CMYA5: variants seen among roughly 807,000 people sequenced by gnomAD.
The protein encoded by CMYA5 is cardiomyopathy associated 5, also known as cardiomyopathy-associated protein 5.
In CMYA5, 246 loss-of-function variants were observed where a neutral mutation model predicts 318.9. The ratio of observed to expected loss-of-function variants is 0.77; its 90% CI spans 0.70 to 0.86. The LOEUF (loss-of-function observed/expected upper bound fraction) is 0.86. Ranked by LOEUF, CMYA5 falls within the 40% of genes least tolerant of loss-of-function variation. CMYA5 has a pLI of 0.00. For synonymous variants in CMYA5, 1,641 were observed against 1,729.5 expected (o/e 0.95, Z 1.27); for missense variants, 4,589 against 4,678.2 (o/e 0.98, Z 0.56).
intron 9 of CMYA5, among the ~76,000 whole-genome samples, chr5:79,785,866 C>T (rs1367173362): frequency 6.6e-6 from 1 of 152,186 alleles, no homozygotes; most frequent in African/African-American, 2.4e-5. Flanking sequence ...AAAAATGATT[C>T]TGACCCCATT....
At chr5:79,789,206 T>TACC in intron 10 of CMYA5, 102 bp downstream of exon 10, 1 of 1,316,880 alleles carries the variant, frequency 7.6e-7, no homozygotes, top group Non-Finnish European at 1.0e-6. Flanking sequence ...ACTCCCAACC[T>TACC]ACTGTCAGTG....
intron 9 of CMYA5, 28 bp from the exon 10 acceptor site, chr5:79,788,943 A>T: frequency 6.2e-7 from 1 of 1,605,840 alleles, no homozygotes; most frequent in Non-Finnish European, 8.5e-7. Context: ...CATTATGTTT[A>T]AAATTATTAT....
chr5:79,765,958 C>A (rs1000876262), intron 9 of CMYA5, among the ~76,000 whole-genome samples: 1 of 152,212 alleles, frequency 6.6e-6, no homozygotes, highest in Admixed American at 6.5e-5. Flanking sequence ...AACTTCCTCT[C>A]TTCCTATTTG....
chr5:79,746,670 T>C (rs950412807), intron 4 of CMYA5, among the ~76,000 whole-genome samples: 2 of 152,192 alleles, frequency 1.3e-5, no homozygotes, highest in African/African-American at 4.8e-5. Context: ...ATTACAGTTT[T>C]GATCTCTATC....
chr5:79,709,621 A>T (rs560013541), intron 1 of CMYA5, among the ~76,000 whole-genome samples: 30 of 151,832 alleles, frequency 2.0e-4, no homozygotes, highest in African/African-American at 7.2e-4. Flanking sequence ...CATTGCAACT[A>T]ATCTTTAAAA....
chr5:79,716,030 T>C (rs1391110326), intron 1 of CMYA5, among the ~76,000 whole-genome samples: 6 of 152,308 alleles, frequency 3.9e-5, no homozygotes, highest in African/African-American at 1.4e-4. Flanking sequence ...TTTCTCTTGG[T>C]CTGATTAGGT....
intron 1 of CMYA5, among the ~76,000 whole-genome samples, chr5:79,705,886 G>A (rs910010344): frequency 6.6e-6 from 1 of 152,236 alleles, no homozygotes; most frequent in East Asian, 1.9e-4. Context: ...ACCTGTGGGG[G>A]TAAATGAGAA....
intron 9 of CMYA5, among the ~76,000 whole-genome samples, chr5:79,764,846 T>C (rs1490618696): frequency 1.3e-5 from 2 of 152,342 alleles, no homozygotes; most frequent in East Asian, 1.9e-4. Context: ...GGTTTTTTTT[T>C]CTTGTAAATT....
chr5:79,759,714 G>T (rs1188344747), intron 7 of CMYA5, among the ~76,000 whole-genome samples: 1 of 152,184 alleles, frequency 6.6e-6, no homozygotes, highest in African/African-American at 2.4e-5. Context: ...CATGTGGCAG[G>T]CTTGGCGTCC....
rs183329061 is a variant in CMYA5, at chr5:79,790,495, T to C, written c.11690-475T>C. On this transcript the variant is annotated intron_variant, in intron 10 of 12. Coordinates refer to ENST00000446378, the MANE Select transcript of CMYA5 (RefSeq NM_153610.5). Reference sequence around the variant, plus strand: ...CATGTTGGCCAGGCTGGTCTCGAGCTCCTGACCTTGTGATCTGCCCACCTT... The same window carrying C: ...CATGTTGGCCAGGCTGGTCTCGAGCCCCTGACCTTGTGATCTGCCCACCTT... Among the ~76,000 whole-genome samples the C allele has an allele frequency of 1.9e-3, 295 of 152,260 alleles. 2 individuals are homozygous for C. The highest frequency in any genetic ancestry group is 2.4e-3 in the Non-Finnish European group (164 of 68,018).
Position 79,734,974 on chromosome 5 carries a change from A to G in CMYA5, c.6209A>G (p.Lys2070Arg). Residue 2070 changes from lysine (K) to arginine (R), a missense_variant, in exon 2 of 13, where the codon AAA becomes AGA. This residue lies in a region of CMYA5 where 2,431 missense variants were observed against 2,495.1 expected (regional missense o/e 0.97). Transcript: ENST00000446378. Reference protein sequence around the residue: ...VKSETISSSVKTAHFPAEGVE... With the variant: ...VKSETISSSVRTAHFPAEGVE... ...TCAGAAACAATCTCCTCTTCTGTCA[A>G]AACAGCCCATTTCCCGGCAGAAGGT... The G allele has an allele frequency of 6.2e-7, 1 of 1,613,750 alleles. No individual in the cohort carries two copies. The highest frequency in any genetic ancestry group is 8.5e-7 in the Non-Finnish European group (1 of 1,179,778).
chr5:79,718,513 C>T (rs1827562502), intron 1 of CMYA5, among the ~76,000 whole-genome samples: 1 of 152,258 alleles, frequency 6.6e-6, no homozygotes, highest in African/African-American at 2.4e-5. Flanking sequence ...CGACCTATTA[C>T]ATTCTTTTGT....
chr5:79,693,603 A>C (rs6871736), intron 1 of CMYA5, among the ~76,000 whole-genome samples: 2,911 of 152,254 alleles, frequency 0.019, 95 homozygotes, highest in African/African-American at 0.065. Flanking sequence ...CCAGCCTCCC[A>C]AAATCCTGGG....
intron 9 of CMYA5, among the ~76,000 whole-genome samples, chr5:79,785,224 A>C (rs944379179): frequency 6.6e-6 from 1 of 151,960 alleles, no homozygotes; most frequent in African/African-American, 2.4e-5. Context: ...ATAATTTAGA[A>C]TTCCTGGTAG....
chr5:79,728,783 T>A, intron 1 of CMYA5, 132 bp from the exon 2 acceptor site: 1 of 383,884 alleles, frequency 2.6e-6, no homozygotes, highest in African/African-American at 2.1e-5. Context: ...CTTTTTGACA[T>A]GGAAGGCAAT....
At position 79,738,858 on chromosome 5, in the gene CMYA5, G is replaced by GC. The variant is rs1561214181; in HGVS notation, c.10094dup (p.Ser3366LysfsTer35). 3.1e-6 allele frequency: 5 copies of GC among 1,613,820 alleles called. No homozygotes were observed. The African/African-American group carries it at 5.3e-5, about 17-fold the overall frequency. On this transcript the variant is annotated frameshift_variant, in exon 2 of 13. Coordinates refer to ENST00000446378, the MANE Select transcript of CMYA5 (RefSeq NM_153610.5). LOFTEE classifies it high-confidence loss of function. ...CAGTCACGGTAATGAAGTCGGAAAT[G>GC]CAAGTCCAGAGGTCAATCTGAATGT...
rs766200568 is a variant in CMYA5, at chr5:79,730,491, G to T, written c.1726G>T (p.Ala576Ser). The T allele has an allele frequency of 1.2e-6, 2 of 1,613,732 alleles. No homozygotes were observed. Among genetic ancestry groups the T allele is most frequent in the African/African-American group, 2.7e-5 (2 of 74,886 alleles). Residue 576 changes from alanine (A) to serine (S), a missense_variant, in exon 2 of 13, where the codon GCT (alanine) becomes TCT (serine). Ala to Ser is a moderately conservative substitution (Grantham distance 99). Coordinates refer to ENST00000446378, the MANE Select transcript of CMYA5 (RefSeq NM_153610.5). Reference protein sequence around the residue: ...LLAASSPEHVALSEEEREEIA... With the variant: ...LLAASSPEHVSLSEEEREEIA... ...GGCAGCATCATCTCCTGAACATGTT[G>T]CTTTGTCTGAGGAAGAAAGAGAGGA...
intron 9 of CMYA5, among the ~76,000 whole-genome samples, chr5:79,765,275 G>A (rs540202586): frequency 9.7e-4 from 148 of 152,274 alleles, no homozygotes; most frequent in Non-Finnish European, 1.7e-3. Context: ...TTCTTGTCAG[G>A]TTTGTCAAAG....
rs1315113422 is a variant in CMYA5, at chr5:79,739,006, A to G, written c.10241A>G (p.Asn3414Ser). 1.2e-6 allele frequency: 2 copies of G among 1,613,910 alleles called. No homozygotes were observed. Among genetic ancestry groups the G allele is most frequent in the Non-Finnish European group, 8.5e-7 (1 of 1,179,842 alleles). ...PPEPSEERLR[N>S]SPVQDEYEFT... ...GAGCCAAGTGAAGAGAGGCTCCGTA[A>G]TAGCCCTGTTCAGGATGAGTATGAA... Residue 3414 changes from asparagine to serine, a missense_variant, in exon 2 of 13, where the codon AAT (asparagine) becomes AGT (serine). By Grantham distance (46) the Asn-to-Ser change is conservative (BLOSUM62 1). Coordinates refer to ENST00000446378, the MANE Select transcript of CMYA5 (RefSeq NM_153610.5).
Sources: allele counts gnomAD v4.1 joint callset (sites outside exome capture counted in the v4.1 genomes callset), GRCh38; gene constraint gnomAD v4.1.1; regional missense constraint gnomAD v4.1.1; transcripts MANE v1.5; gene names NCBI Gene and HGNC (gene_info 2026-07-23, HGNC 2026-07-21).